EML6: variants seen among roughly 807,000 people sequenced by gnomAD.
EML6 encodes the protein EMAP like 6.
EML6 carries 154 observed loss-of-function variants against 240.1 expected under a neutral mutation model. That is an observed-to-expected ratio of 0.64 (90% CI 0.56 to 0.73). The LOEUF (loss-of-function observed/expected upper bound fraction) is 0.73. Among genes scored for constraint, EML6 ranks in the 30% least tolerant of loss-of-function variants. EML6 has a pLI of 0.00. For synonymous variants in EML6, 1,148 were observed against 899.0 expected (o/e 1.28, Z -4.95); for missense variants, 2,964 against 2,474.6 (o/e 1.20, Z -4.20).
At chr2:54,952,475 G>C (rs1676031598) in intron 30 of EML6, 119 bp from the exon 31 acceptor site, 1 of 587,780 alleles carries the variant, frequency 1.7e-6, no homozygotes, top group African/African-American at 1.9e-5. Flanking sequence ...GTGAGAATTT[G>C]AGGGCTGTAA....
At chr2:54,874,655 T>C (rs1002974657) in intron 16 of EML6, among the ~76,000 whole-genome samples, 1 of 152,212 alleles carries the variant, frequency 6.6e-6, no homozygotes, top group Non-Finnish European at 1.5e-5. Flanking sequence ...CTTTGACTGA[T>C]ACGTGATTCA....
intron 35 of EML6, among the ~76,000 whole-genome samples, chr2:54,961,407 A>G (rs1195529104): frequency 1.3e-5 from 2 of 151,072 alleles, no homozygotes; most frequent in African/African-American, 2.4e-5. Context: ...GCTGTTCTCA[A>G]AACTCCTGAC....
chr2:54,827,821 A>G (rs543740734), intron 6 of EML6, 70 bp downstream of exon 6: 4 of 1,081,622 alleles, frequency 3.7e-6, no homozygotes, highest in South Asian at 1.5e-5. Context: ...CCCTCCCTGT[A>G]TGTTTCCCTT....
At chr2:54,958,165 CACATATGGGTGGGTTGGCAACAT>C (rs1225027135) in intron 33 of EML6, among the ~76,000 whole-genome samples, 167 bp downstream of exon 33, 1 of 152,130 alleles carries the variant, frequency 6.6e-6, no homozygotes, top group Non-Finnish European at 1.5e-5. Context: ...TTTTCTGTAG[CACATATGGGTGGGTTGGCAACAT>C]ACATATATAT....
At chr2:54,874,638 G>T (rs538518452) in intron 16 of EML6, among the ~76,000 whole-genome samples, 1 of 152,234 alleles carries the variant, frequency 6.6e-6, no homozygotes, top group Admixed American at 6.5e-5. Context: ...GGACTATTGT[G>T]GAAAAACTTT....
At chr2:54,918,225 C>T (rs1674034282) in intron 26 of EML6, among the ~76,000 whole-genome samples, 1 of 152,192 alleles carries the variant, frequency 6.6e-6, no homozygotes, top group East Asian at 1.9e-4. Flanking sequence ...AGCATCATGT[C>T]ATCCTCTGCT....
intron 2 of EML6, among the ~76,000 whole-genome samples, chr2:54,736,943 C>A (rs1346418102): frequency 6.6e-6 from 1 of 152,132 alleles, no homozygotes. Context: ...AAATGTTATT[C>A]TTGTAAAAGA....
chr2:54,813,133 C>T, intron 2 of EML6, 99 bp from the exon 3 acceptor site: 1 of 835,860 alleles, frequency 1.2e-6, no homozygotes, highest in Admixed American at 2.8e-5. Context: ...CTCTTGAGAT[C>T]ACCTTGTTAG....
At chr2:54,834,900 G>T (rs1017800578) in intron 7 of EML6, among the ~76,000 whole-genome samples, 2 of 152,110 alleles carry the variant, frequency 1.3e-5, no homozygotes, top group Admixed American at 1.3e-4. Context: ...GCAGCTAGAG[G>T]GATTATTTGA....
At chr2:54,830,431 G>A (rs1572965801) in intron 7 of EML6, among the ~76,000 whole-genome samples, 3 of 152,232 alleles carry the variant, frequency 2.0e-5, no homozygotes, top group East Asian at 1.9e-4. Flanking sequence ...TTTCAGTGCC[G>A]AGATGAGGGA....
At chr2:54,838,702 T>G (rs2103631449) in intron 7 of EML6, among the ~76,000 whole-genome samples, 1 of 152,100 alleles carries the variant, frequency 6.6e-6, no homozygotes, top group East Asian at 1.9e-4. Context: ...ATAAGAGGAT[T>G]TTTTTGGTTT....
At chr2:54,764,591 C>T (rs763711642) in intron 2 of EML6, among the ~76,000 whole-genome samples, 28 of 152,184 alleles carry the variant, frequency 1.8e-4, no homozygotes, top group Non-Finnish European at 3.4e-4. Context: ...AATGTGAAAT[C>T]CCCCTGCTTT....
At chr2:54,917,279 A>T (rs991520349) in intron 26 of EML6, among the ~76,000 whole-genome samples, 11 of 151,372 alleles carry the variant, frequency 7.3e-5, no homozygotes, top group Non-Finnish European at 1.5e-4. Context: ...CAGCACCCCA[A>T]CTGATTTTTA....
chr2:54,952,140 T>C (rs1676012165), intron 30 of EML6, among the ~76,000 whole-genome samples: 1 of 152,214 alleles, frequency 6.6e-6, no homozygotes, highest in Non-Finnish European at 1.5e-5. Context: ...CCTGAGAATT[T>C]CATATTCCAC....
In EML6 at chr2:54,895,179, C is replaced by T. The variant is rs1439495788; in HGVS notation, c.2855-94C>T. 2.1e-5 allele frequency: 29 copies of T among 1,402,320 alleles called. No individual in the cohort carries two copies. In the East Asian group the frequency reaches 5.2e-4, roughly 25 times the overall value. The allele number at this position is 1,402,320 out of a possible 1,614,324, so 86.9% of individuals were successfully genotyped here. On this transcript the variant is annotated intron_variant, in intron 20 of 41. Transcript: ENST00000356458. ...TGGTAGAAATGTCAAGGCTGACTGCCTAGTACCTAGTTCTTTGGAGCTATA... is the reference window on the plus strand; with the variant it reads ...TGGTAGAAATGTCAAGGCTGACTGCTTAGTACCTAGTTCTTTGGAGCTATA...
At chr2:54,746,026 T>G (rs1448414665) in intron 2 of EML6, among the ~76,000 whole-genome samples, 1 of 152,170 alleles carries the variant, frequency 6.6e-6, no homozygotes, top group Non-Finnish European at 1.5e-5. Flanking sequence ...TGGGGTCAAC[T>G]GTGGAGCTGT....
chr2:54,842,380 T>C (rs1669507284), intron 7 of EML6, among the ~76,000 whole-genome samples: 1 of 152,218 alleles, frequency 6.6e-6, no homozygotes, highest in African/African-American at 2.4e-5. Context: ...CTTCAAAGTA[T>C]TATGTAAATT....
At chr2:54,798,987 G>A (rs1290650892) in intron 2 of EML6, among the ~76,000 whole-genome samples, 2 of 152,170 alleles carry the variant, frequency 1.3e-5, no homozygotes, top group Admixed American at 6.5e-5. Context: ...ATGAATGGAT[G>A]TTGGATTTTG....
rs1258057518 is a variant in EML6 at position 54,723,705 on chromosome 2, G to C, written c.-586G>C. 2 of 152,362 alleles carry C rather than the reference G, an allele frequency of 1.3e-5. No homozygotes were observed. Among genetic ancestry groups the C allele is most frequent in the East Asian group, 3.9e-4 (2 of 5,192 alleles). 9.4% of individuals were successfully genotyped at this position (152,362 alleles called of 1,614,324 possible). ...CGGGTGCGGGAGGCGGGGAGGGGAG[G>C]GCAGGCAGAGGATTTCGCTCGCTCG... On this transcript the variant is annotated 5_prime_UTR_variant, in exon 1 of 42. Transcript: ENST00000356458.
Sources: gnomAD v4.1 joint callset for allele counts (sites outside exome capture counted in the v4.1 genomes callset) on GRCh38, gnomAD v4.1.1 for gene constraint, MANE v1.5 for transcripts, NCBI Gene and HGNC (gene_info 2026-07-23, HGNC 2026-07-21) for gene names.